The following CRTC3 variants were observed in gnomAD, a reference collection of about 807,000 sequenced individuals.
CRTC3 encodes the protein CREB regulated transcription coactivator 3, also known as CREB-regulated transcription coactivator 3.
A neutral mutation model predicts 74.5 loss-of-function variants in CRTC3; 26 were observed. That is an observed-to-expected ratio of 0.35 (90% CI 0.26 to 0.48). The LOEUF is 0.48. CRTC3 is among the 20% of genes least tolerant of loss of function. CRTC3 has a pLI of 0.99. For synonymous variants in CRTC3, 377 were observed against 325.8 expected (o/e 1.16, Z -1.69); for missense variants, 760 against 787.3 (o/e 0.97, Z 0.41).
chr15:90,589,394 C>T lies in CRTC3; in HGVS notation c.232-4242C>T, dbSNP rs1967745943. On this transcript the variant is annotated intron_variant, in intron 2 of 14. Transcript: ENST00000268184. ...AGAGACAGGGTCTTGTTCTGTCACC[C>T]AGGCTGGAGTACAGTGGCTCAATCA... 2.6e-5 allele frequency among the ~76,000 whole-genome samples: 4 copies of T among 151,960 alleles called. No homozygotes were observed. The South Asian group carries it at 8.3e-4, about 32-fold the overall frequency.
chr15:90,537,519 G>C (rs62019422), intron 1 of CRTC3, among the ~76,000 whole-genome samples: 36,496 of 152,098 alleles, frequency 0.24, 4,680 homozygotes, highest in East Asian at 0.46. Flanking sequence ...GAGTAGTTGG[G>C]ACTGCAGGCG....
At chr15:90,541,128 G>A in intron 2 of CRTC3, among the ~76,000 whole-genome samples, 1 of 152,200 alleles carries the variant, frequency 6.6e-6, no homozygotes, top group East Asian at 1.9e-4. Context: ...ATGGTATATG[G>A]CACTATTGTT....
chr15:90,612,185 A>T (rs576840265), intron 6 of CRTC3, among the ~76,000 whole-genome samples: 78 of 152,124 alleles, frequency 5.1e-4, no homozygotes, highest in South Asian at 1.2e-3. Flanking sequence ...GGTTAGGGAC[A>T]TGAACATTCT....
At chr15:90,555,989 AT>A (rs1966885729) in intron 2 of CRTC3, among the ~76,000 whole-genome samples, 1 of 152,072 alleles carries the variant, frequency 6.6e-6, no homozygotes, top group Non-Finnish European at 1.5e-5. Context: ...AAAATGAGCC[AT>A]TTTTCATCAA....
chr15:90,614,790 A>T (rs1968446012), intron 7 of CRTC3, among the ~76,000 whole-genome samples: 1 of 152,338 alleles, frequency 6.6e-6, no homozygotes, highest in African/African-American at 2.4e-5. Flanking sequence ...TTGGCCTGGC[A>T]CAGTGGCTCA....
In CRTC3 at chr15:90,629,380, C is replaced by A; in HGVS notation, c.1114C>A (p.Pro372Thr). ...GCTCCGTCTGTTTTCCCTTAGCAACCCATCTCTTTCCACCACAAACCTGAG... is the reference window on the plus strand; with the variant it reads ...GCTCCGTCTGTTTTCCCTTAGCAACACATCTCTTTCCACCACAAACCTGAG... ...PSLRLFSLSN[P>T]SLSTTNLSGP... The change falls in exon 11 of 15, where the codon CCA becomes ACA. Residue 372 changes from proline (P) to threonine (T), a missense_variant. This residue lies in a region of CRTC3 where 652 missense variants were observed against 635.2 expected (regional missense o/e 1.03). Coordinates refer to ENST00000268184, the MANE Select transcript of CRTC3 (RefSeq NM_022769.5). The A allele has an allele frequency of 1.2e-6, 2 of 1,614,082 alleles. No homozygotes were observed. Among genetic ancestry groups the A allele is most frequent in the Non-Finnish European group, 1.7e-6 (2 of 1,180,000 alleles).
intron 9 of CRTC3, chr15:90,624,830 C>T (rs1030177597): frequency 1.3e-5 from 2 of 152,474 alleles, no homozygotes; most frequent in Non-Finnish European, 2.9e-5. Flanking sequence ...GAACGTACCA[C>T]CAGTGTATAC....
chr15:90,633,471 T>C (rs1049511827), intron 11 of CRTC3, among the ~76,000 whole-genome samples: 1 of 152,234 alleles, frequency 6.6e-6, no homozygotes, highest in African/African-American at 2.4e-5. Context: ...CATTTGTAAG[T>C]TGCATTGAGA....
In CRTC3 at chr15:90,602,361, A is replaced by T; in HGVS notation, c.389A>T (p.Gln130Leu). The stretch of plus-strand genomic sequence containing the variant: ...GCTTTTGGAGCCAATTATTCCTCAC[A>T]GCCTCTGGATGAGAGTTGGCCAAGG... ...GSAFGANYSS[Q>L]PLDESWPRQQ... Residue 130 changes from glutamine (Q) to leucine (L), a missense_variant, in exon 4 of 15, where the codon CAG (glutamine) becomes CTG (leucine). Transcript: ENST00000268184. 1 of 1,601,334 alleles carries T rather than the reference A, an allele frequency of 6.2e-7. No individual in the cohort carries two copies. The highest frequency in any genetic ancestry group is 8.6e-7 in the Non-Finnish European group (1 of 1,168,886).
chr15:90,622,212 G>C (rs1968674904), intron 9 of CRTC3, among the ~76,000 whole-genome samples: 1 of 152,032 alleles, frequency 6.6e-6, no homozygotes, highest in African/African-American at 2.4e-5. Context: ...CTTGAACCGG[G>C]GGGCGCATTA....
At chr15:90,544,734 C>T (rs1966841439) in intron 2 of CRTC3, among the ~76,000 whole-genome samples, 1 of 152,220 alleles carries the variant, frequency 6.6e-6, no homozygotes, top group Non-Finnish European at 1.5e-5. Flanking sequence ...TACTGTTTCA[C>T]ATTCTTACCA....
chr15:90,618,540 G>A (rs943339697), intron 8 of CRTC3, among the ~76,000 whole-genome samples: 12 of 152,188 alleles, frequency 7.9e-5, no homozygotes, highest in African/African-American at 1.7e-4. Context: ...GAGGTCCCAC[G>A]GTACTTGCCT....
chr15:90,582,183 C>T (rs938955548), intron 2 of CRTC3, among the ~76,000 whole-genome samples: 2 of 152,220 alleles, frequency 1.3e-5, no homozygotes, highest in African/African-American at 4.8e-5. Flanking sequence ...ACATATTTCT[C>T]TAGTCATTGT....
In CRTC3 at chr15:90,607,223, T is replaced by C. The variant is rs117541860; in HGVS notation, c.477-155T>C. The stretch of plus-strand genomic sequence containing the variant: ...GATCCTCAGAGGCTGTTAATTGATA[T>C]AAAGAACTTCAGGTAGGTCCTAACC... On this transcript the variant is annotated intron_variant, in intron 5 of 14. Transcript: ENST00000268184. Among the ~76,000 whole-genome samples the C allele has an allele frequency of 5.3e-3, 807 of 152,350 alleles. 10 individuals are homozygous for C. Among genetic ancestry groups the C allele is most frequent in the East Asian group, 0.045 (234 of 5,186 alleles).
chr15:90,560,188 A>G (rs1207754400), intron 2 of CRTC3, among the ~76,000 whole-genome samples: 1 of 152,174 alleles, frequency 6.6e-6, no homozygotes, highest in East Asian at 1.9e-4. Flanking sequence ...ACTTGAGAAT[A>G]GGGATTTATT....
chr15:90,570,322 G>A (rs1471377451), intron 2 of CRTC3, among the ~76,000 whole-genome samples: 1 of 152,138 alleles, frequency 6.6e-6, no homozygotes, highest in Admixed American at 6.6e-5. Context: ...GACAATGAGG[G>A]ATGAGGCAGG....
chr15:90,530,332 G>A lies in CRTC3; in HGVS notation c.132+129G>A, dbSNP rs1966605153. Reference sequence around the variant, plus strand: ...GGGCCGCGCCCGGGAACCGGCGGCTGGGAGGGGGACCGGAGCGGCCGCGGC... The same window carrying A: ...GGGCCGCGCCCGGGAACCGGCGGCTAGGAGGGGGACCGGAGCGGCCGCGGC... On this transcript the variant is annotated intron_variant, in intron 1 of 14. Transcript: ENST00000268184. The surrounding 1 kb of genome is among the most constrained non-coding windows in gnomAD (Gnocchi z 6.2). 1.1e-5 allele frequency: 5 copies of A among 445,482 alleles called. No individual in the cohort carries two copies. In the South Asian group the frequency reaches 3.6e-4, roughly 32 times the overall value. 27.6% of individuals were successfully genotyped at this position (445,482 alleles called of 1,614,324 possible).
intron 2 of CRTC3, among the ~76,000 whole-genome samples, chr15:90,550,358 T>C (rs889769133): frequency 2.0e-5 from 3 of 150,698 alleles, no homozygotes; most frequent in African/African-American, 7.3e-5. Context: ...TGCGGTGTGC[T>C]GAGATCGCAC....
At chr15:90,562,172 T>C (rs1467733245) in intron 2 of CRTC3, among the ~76,000 whole-genome samples, 1 of 152,216 alleles carries the variant, frequency 6.6e-6, no homozygotes, top group Non-Finnish European at 1.5e-5. Context: ...CACTTTCTTT[T>C]ATGCTAGTTT....
Sources: gnomAD v4.1 joint callset for allele counts (sites outside exome capture counted in the v4.1 genomes callset) on GRCh38, gnomAD v4.1.1 for gene constraint, gnomAD v4.1.1 regional missense constraint, Gnocchi (gnomAD v3.1) non-coding constraint, MANE v1.5 for transcripts, NCBI Gene and HGNC (gene_info 2026-07-23, HGNC 2026-07-21) for gene names.